Variants in USH2A observed in about 807,000 individuals in gnomAD.
The protein encoded by USH2A is Usher syndrome 2A (autosomal recessive, mild).
A neutral mutation model predicts 538.9 loss-of-function variants in USH2A; 443 were observed. The observed-to-expected ratio is 0.82, with a 90% confidence interval of 0.76 to 0.89. USH2A has a LOEUF of 0.89. USH2A is among the 40% of genes least tolerant of loss of function. USH2A has a pLI of 0.00. For synonymous variants in USH2A, 2,413 were observed against 2,273.5 expected, an observed-to-expected ratio of 1.06 and a Z score of -1.75; for missense variants, 6,633 against 6,324.8, an observed-to-expected ratio of 1.05 and a Z score of -1.65.
chr1:215,901,369 CT>C (rs879700607), intron 38 of USH2A: 3,504 of 168,498 alleles, frequency 0.021, 1 homozygote, highest in South Asian at 0.052. Flanking sequence ...CTTTTCCTTT[CT>C]TTTTTTTTTT....
chr1:216,070,434 ATTGAT>A, intron 29 of USH2A, 142 bp from the exon 30 acceptor site: 2 of 805,116 alleles, frequency 2.5e-6, no homozygotes, highest in Non-Finnish European at 4.1e-6. Flanking sequence ...ACTTTTCAGC[ATTGAT>A]TTAATATGAC....
intron 46 of USH2A, 126 bp downstream of exon 46, chr1:215,844,168 T>G (rs1663774132): frequency 9.9e-7 from 1 of 1,005,076 alleles, no homozygotes; most frequent in East Asian, 2.6e-5. Context: ...TTCCCTTCTC[T>G]CTTTTCCCTT....
intron 11 of USH2A, among the ~76,000 whole-genome samples, chr1:216,254,065 A>G (rs2036214227): frequency 6.6e-6 from 1 of 152,126 alleles, no homozygotes; most frequent in Non-Finnish European, 1.5e-5. Context: ...TTATCGAGAT[A>G]TTTTTGTCAA....
chr1:215,717,874 T>C (rs1272148900), intron 61 of USH2A, among the ~76,000 whole-genome samples: 1 of 152,240 alleles, frequency 6.6e-6, no homozygotes, highest in Admixed American at 6.5e-5. Flanking sequence ...GTGTTTGTAG[T>C]GGAGTTGCAT....
At chr1:216,122,857 A>C (rs2033165084) in intron 21 of USH2A, among the ~76,000 whole-genome samples, 1 of 152,194 alleles carries the variant, frequency 6.6e-6, no homozygotes, top group Admixed American at 6.5e-5. Context: ...ATTGCTATAC[A>C]ATTAAACTAT....
chr1:215,937,722 C>T (rs1248956160), intron 37 of USH2A, among the ~76,000 whole-genome samples: 2 of 152,242 alleles, frequency 1.3e-5, no homozygotes, highest in East Asian at 3.9e-4. Flanking sequence ...AGTAGCGTAA[C>T]TGTGCAGGTC....
intron 50 of USH2A, among the ~76,000 whole-genome samples, chr1:215,792,606 G>A (rs1183809900): frequency 1.3e-5 from 2 of 152,160 alleles, no homozygotes; most frequent in African/African-American, 4.8e-5. Flanking sequence ...ACATAAAGAT[G>A]TCTGACGTGC....
At chr1:215,904,551 A>C (rs2102473263) in intron 38 of USH2A, among the ~76,000 whole-genome samples, 1 of 152,184 alleles carries the variant, frequency 6.6e-6, no homozygotes, top group Non-Finnish European at 1.5e-5. Flanking sequence ...TTAGCACCAA[A>C]GCAATAACTG....
At chr1:215,782,221 C>T (rs1357940799) in intron 53 of USH2A, 25 bp from the exon 54 acceptor site, 1 of 1,611,514 alleles carries the variant, frequency 6.2e-7, no homozygotes. Flanking sequence ...AAAATGACTG[C>T]ATTTGAATGT....
intron 44 of USH2A, among the ~76,000 whole-genome samples, chr1:215,846,861 T>C (rs557029769): frequency 2.6e-5 from 4 of 152,296 alleles, no homozygotes; most frequent in African/African-American, 4.8e-5. Flanking sequence ...CCTAGAAGGA[T>C]GCTTAGAAAG....
chr1:215,629,932 T>C (rs573174071), intron 70 of USH2A: 107 of 328,836 alleles, frequency 3.3e-4, no homozygotes, highest in East Asian at 1.5e-3. Flanking sequence ...CCCGCCACCA[T>C]GCCCGGCTAA....
chr1:215,845,708 C>G lies in USH2A; in HGVS notation c.9055+116G>C, dbSNP rs376401709. The G allele has an allele frequency of 2.5e-4, 282 of 1,144,622 alleles. No individual in the cohort carries two copies. In the African/African-American group the frequency reaches 3.7e-3, roughly 15 times the overall value. The allele number at this position is 1,144,622 out of a possible 1,614,324, so 70.9% of individuals were successfully genotyped here. On this transcript the variant is annotated intron_variant, in intron 45 of 71. Transcript: ENST00000307340. ...ACTTAAGCATTTTAGCCTCCACCCC[C>G]TTCCCTCCCACACCGGAAATTTTAT...
chr1:215,996,161 T>C (rs1668130863), intron 34 of USH2A, among the ~76,000 whole-genome samples: 1 of 152,196 alleles, frequency 6.6e-6, no homozygotes, highest in Admixed American at 6.5e-5. Context: ...TCTGCCCACC[T>C]GGGCCTCCCA....
At chr1:216,104,774 G>A (rs892888049) in intron 21 of USH2A, among the ~76,000 whole-genome samples, 5 of 152,156 alleles carry the variant, frequency 3.3e-5, no homozygotes, top group Non-Finnish European at 1.5e-5. Context: ...AGGACTTCAT[G>A]TCTAAAACAC....
intron 44 of USH2A, among the ~76,000 whole-genome samples, chr1:215,866,500 T>C (rs114024937): frequency 1.3e-5 from 2 of 152,208 alleles, no homozygotes; most frequent in East Asian, 1.9e-4. Flanking sequence ...ATAGCCAGTC[T>C]GAAGATGATC....
intron 32 of USH2A, among the ~76,000 whole-genome samples, chr1:216,001,258 T>C (rs767024937): frequency 6.6e-6 from 1 of 152,180 alleles, no homozygotes; most frequent in Non-Finnish European, 1.5e-5. Flanking sequence ...ATCCTTAGTA[T>C]GTAGCACAAT....
chr1:215,722,609 T>C (rs1216999452), intron 61 of USH2A, among the ~76,000 whole-genome samples: 2 of 152,184 alleles, frequency 1.3e-5, no homozygotes, highest in East Asian at 1.9e-4. Context: ...CTCCTTGACA[T>C]TGGGAAAGGA....
At chr1:215,776,974 C>T (rs1661484989) in intron 55 of USH2A, among the ~76,000 whole-genome samples, 1 of 152,030 alleles carries the variant, frequency 6.6e-6, no homozygotes, top group African/African-American at 2.4e-5. Context: ...CTTTATTCTA[C>T]AAAGAAACCC....
At chr1:216,014,314 A>T (rs1422764045) in intron 32 of USH2A, among the ~76,000 whole-genome samples, 1 of 152,184 alleles carries the variant, frequency 6.6e-6, no homozygotes, top group Non-Finnish European at 1.5e-5. Context: ...AAGAAATGAA[A>T]AAAAGATTGG....
Sources: gnomAD v4.1 joint callset for allele counts (sites outside exome capture counted in the v4.1 genomes callset) on GRCh38, gnomAD v4.1.1 for gene constraint, MANE v1.5 for transcripts, NCBI Gene and HGNC (gene_info 2026-07-23, HGNC 2026-07-21) for gene names.